NRXN3: variants seen among roughly 807,000 people sequenced by gnomAD.
The protein encoded by NRXN3 is neurexin 3.
A neutral mutation model predicts 137.6 loss-of-function variants in NRXN3; 32 were observed. That is an observed-to-expected ratio of 0.23 (90% CI 0.18 to 0.31). NRXN3 has a LOEUF of 0.31. Among genes scored for constraint, NRXN3 ranks in the 10% least tolerant of loss-of-function variants. The probability of loss-of-function intolerance (pLI) is 1.00; values close to 1 mark genes in which losing one functional copy is unlikely to be tolerated. For missense variants in NRXN3, 1,574 were observed against 2,062.5 expected (o/e 0.76, Z 4.59); for synonymous variants, 798 against 784.5 (o/e 1.02, Z -0.29).
intron 4 of NRXN3, among the ~76,000 whole-genome samples, chr14:78,573,873 G>A (rs540543610): frequency 2.6e-5 from 4 of 152,342 alleles, no homozygotes; most frequent in African/African-American, 9.6e-5. Context: ...TGGGGAAAAC[G>A]TATCCAAGAT....
intron 8 of NRXN3, among the ~76,000 whole-genome samples, chr14:78,753,124 C>T (rs990392335): frequency 6.6e-6 from 1 of 152,168 alleles, no homozygotes; most frequent in African/African-American, 2.4e-5. Context: ...TCAGGTGAAA[C>T]AGGAGACTTG....
chr14:79,001,698 C>G (rs553371545), intron 15 of NRXN3, among the ~76,000 whole-genome samples: 83 of 152,344 alleles, frequency 5.4e-4, no homozygotes, highest in African/African-American at 1.9e-3. Flanking sequence ...GAGAGACACT[C>G]TGGCTTGGCA....
chr14:79,165,423 T>C (rs945577937), intron 15 of NRXN3, among the ~76,000 whole-genome samples: 4 of 151,912 alleles, frequency 2.6e-5, no homozygotes, highest in African/African-American at 4.8e-5. Context: ...CCTCAGAAAA[T>C]TTTCTTCATG....
chr14:78,701,719 T>A (rs1029180812), intron 6 of NRXN3, among the ~76,000 whole-genome samples: 1 of 152,228 alleles, frequency 6.6e-6, no homozygotes, highest in Non-Finnish European at 1.5e-5. Context: ...TTTTTAAAAA[T>A]TAATTAACTG....
chr14:79,169,306 C>T (rs2061564459), intron 15 of NRXN3, among the ~76,000 whole-genome samples: 1 of 152,062 alleles, frequency 6.6e-6, no homozygotes, highest in Admixed American at 6.6e-5. Context: ...TACACCTTTT[C>T]CTCAATTACA....
intron 15 of NRXN3, among the ~76,000 whole-genome samples, chr14:78,992,697 A>T (rs1404012487): frequency 6.6e-6 from 1 of 152,172 alleles, no homozygotes; most frequent in African/African-American, 2.4e-5. Flanking sequence ...GGACTTTGTG[A>T]AAATAGCAGT....
intron 3 of NRXN3, among the ~76,000 whole-genome samples, chr14:78,296,121 C>T (rs1037623942): frequency 1.4e-5 from 2 of 145,542 alleles, no homozygotes; most frequent in African/African-American, 2.6e-5. Flanking sequence ...TGCAGTGGTG[C>T]GATCATAGCT....
chr14:78,891,321 A>C lies in NRXN3; in HGVS notation c.2276-65921A>C, dbSNP rs154311. 8.9e-3 allele frequency among the ~76,000 whole-genome samples: 1,357 copies of C among 152,084 alleles called. 16 individuals carry two copies. The highest frequency in any genetic ancestry group is 0.031 in the African/African-American group (1,306 of 41,544). ...TAACTAAAACTTAGAGAAGATAAGC[A>C]ATTTGTCTGAGGTCATGCTCTAGTA... On this transcript the variant is annotated intron_variant, in intron 10 of 20. Coordinates refer to ENST00000335750, the MANE Select transcript of NRXN3 (RefSeq NM_001330195.2).
chr14:78,986,495 A>C (rs536388017), intron 14 of NRXN3, among the ~76,000 whole-genome samples: 114 of 152,274 alleles, frequency 7.5e-4, no homozygotes, highest in African/African-American at 2.5e-3. Context: ...TCATCAAAAA[A>C]ATTTTAATGC....
intron 16 of NRXN3, among the ~76,000 whole-genome samples, chr14:79,598,060 GAAAGTAAAGCATGGAAGAT>G (rs1386458277): frequency 6.6e-6 from 1 of 152,090 alleles, no homozygotes; most frequent in Non-Finnish European, 1.5e-5. Context: ...ACTCAAACAA[GAAAGTAAAGCATGGAAGAT>G]AATTTTTAAA....
chr14:79,043,071 A>G (rs1382769070), intron 15 of NRXN3, among the ~76,000 whole-genome samples: 1 of 152,206 alleles, frequency 6.6e-6, no homozygotes, highest in African/African-American at 2.4e-5. Flanking sequence ...AATTTGTTAG[A>G]ATAATCCTGT....
chr14:78,340,475 G>A (rs1277776080), intron 4 of NRXN3, among the ~76,000 whole-genome samples: 1 of 152,116 alleles, frequency 6.6e-6, no homozygotes, highest in South Asian at 2.1e-4. Context: ...CAGGTCTATT[G>A]CTGGGGTCAC....
chr14:79,648,332 C>T (rs1324129813), intron 16 of NRXN3, among the ~76,000 whole-genome samples: 2 of 135,680 alleles, frequency 1.5e-5, no homozygotes, highest in East Asian at 3.9e-4. Flanking sequence ...CCAATCAGCT[C>T]TGGCTGATTG....
intron 4 of NRXN3, among the ~76,000 whole-genome samples, chr14:78,378,846 T>A (rs892959941): frequency 2.6e-5 from 4 of 151,892 alleles, no homozygotes; most frequent in Non-Finnish European, 5.9e-5. Context: ...AATAAATGAT[T>A]CCATGAAAAG....
chr14:78,725,373 C>T (rs116688597), intron 8 of NRXN3, among the ~76,000 whole-genome samples: 3 of 152,352 alleles, frequency 2.0e-5, no homozygotes, highest in African/African-American at 7.2e-5. Context: ...TCTCCCCATC[C>T]TGGAAAGCAT....
At chr14:79,386,984 A>G (rs2094643730) in intron 15 of NRXN3, among the ~76,000 whole-genome samples, 2 of 152,318 alleles carry the variant, frequency 1.3e-5, no homozygotes, top group African/African-American at 2.4e-5. Flanking sequence ...TGTTAGACCT[A>G]AAACCATAAA....
chr14:78,946,538 T>C (rs1286466817), intron 10 of NRXN3, among the ~76,000 whole-genome samples: 2 of 152,206 alleles, frequency 1.3e-5, no homozygotes, highest in African/African-American at 4.8e-5. Flanking sequence ...AACACCTGTC[T>C]AGTAGGTCAT....
chr14:79,344,287 G>T (rs900154130), intron 15 of NRXN3, among the ~76,000 whole-genome samples: 6 of 152,076 alleles, frequency 3.9e-5, no homozygotes, highest in Non-Finnish European at 7.3e-5. Flanking sequence ...CCACCCAGCT[G>T]GTGCTAGGAG....
intron 4 of NRXN3, among the ~76,000 whole-genome samples, chr14:78,515,980 T>G (rs532544423): frequency 1.3e-5 from 2 of 152,216 alleles, no homozygotes; most frequent in Admixed American, 1.3e-4. Flanking sequence ...GAAACAACAG[T>G]GCCTAGGATT....
Sources: gnomAD v4.1 joint callset for allele counts (sites outside exome capture counted in the v4.1 genomes callset) on GRCh38, gnomAD v4.1.1 for gene constraint, MANE v1.5 for transcripts, NCBI Gene and HGNC (gene_info 2026-07-23, HGNC 2026-07-21) for gene names.